Variants in UNC13C observed in about 807,000 individuals in gnomAD.
The protein encoded by UNC13C is protein unc-13 homolog C.
A neutral mutation model predicts 245.4 loss-of-function variants in UNC13C; 174 were observed. The ratio of observed to expected loss-of-function variants is 0.71; its 90% confidence interval spans 0.63 to 0.80. The LOEUF (loss-of-function observed/expected upper bound fraction) is 0.80, where lower values mean the gene tolerates loss of function less well. Ranked by LOEUF, UNC13C falls within the 30% of genes least tolerant of loss-of-function variation. The pLI is 0.00. For synonymous variants in UNC13C, 992 were observed against 895.1 expected (o/e 1.11, Z -1.93); for missense variants, 2,829 against 2,602.9 (o/e 1.09, Z -1.89).
intron 1 of UNC13C, among the ~76,000 whole-genome samples, chr15:53,995,387 A>G (rs1418339828): frequency 6.6e-6 from 1 of 152,046 alleles, no homozygotes; most frequent in Non-Finnish European, 1.5e-5. Flanking sequence ...ATCAATCAGA[A>G]AAAAAGGCAG....
intron 30 of UNC13C, among the ~76,000 whole-genome samples, chr15:54,588,779 C>T (rs751555331): frequency 6.6e-6 from 1 of 152,156 alleles, no homozygotes; most frequent in Non-Finnish European, 1.5e-5. Flanking sequence ...GAATAATAGT[C>T]ACCAATCTCA....
intron 19 of UNC13C, among the ~76,000 whole-genome samples, chr15:54,415,609 A>G (rs2040502396): frequency 1.3e-5 from 2 of 152,198 alleles, no homozygotes; most frequent in African/African-American, 4.8e-5. Flanking sequence ...TTACAGTTAG[A>G]GATAGAACCA....
chr15:54,377,086 T>C (rs2039622692), intron 17 of UNC13C, among the ~76,000 whole-genome samples: 1 of 152,148 alleles, frequency 6.6e-6, no homozygotes, highest in Non-Finnish European at 1.5e-5. Context: ...CTAGCAGCCG[T>C]CAGGTGCTAG....
chr15:54,184,967 G>C (rs1190934754), intron 4 of UNC13C, among the ~76,000 whole-genome samples: 3 of 152,064 alleles, frequency 2.0e-5, no homozygotes, highest in Admixed American at 2.0e-4. Flanking sequence ...ATTCTAACTG[G>C]TGTGAGATGG....
At chr15:53,963,342 A>G in the UNC13C span, among the ~76,000 whole-genome samples, 1 of 152,214 alleles carries the variant, frequency 6.6e-6, no homozygotes, top group African/African-American at 2.4e-5. Flanking sequence ...TAGGGAAGAC[A>G]GACTGTCACA....
At chr15:54,369,929 C>T (rs1465997673) in intron 17 of UNC13C, among the ~76,000 whole-genome samples, 1 of 151,942 alleles carries the variant, frequency 6.6e-6, no homozygotes, top group African/African-American at 2.4e-5. Flanking sequence ...TAGGGATCCT[C>T]GGTTTCCTCT....
intron 16 of UNC13C, among the ~76,000 whole-genome samples, chr15:54,336,741 C>G (rs1043073669): frequency 2.0e-5 from 3 of 151,956 alleles, no homozygotes; most frequent in Non-Finnish European, 4.4e-5. Context: ...TTCCTTTCTC[C>G]ATTGAATTGC....
intron 8 of UNC13C, among the ~76,000 whole-genome samples, chr15:54,256,292 A>G (rs933610945): frequency 6.6e-6 from 1 of 152,170 alleles, no homozygotes; most frequent in Non-Finnish European, 1.5e-5. Flanking sequence ...CGTGCTAGAA[A>G]ACAGAGGTGT....
intron 2 of UNC13C, among the ~76,000 whole-genome samples, chr15:54,032,191 T>C (rs187523164): frequency 6.6e-6 from 1 of 152,290 alleles, no homozygotes; most frequent in African/African-American, 2.4e-5. Context: ...TTACAGTAAT[T>C]TGATTCAATT....
intron 19 of UNC13C, among the ~76,000 whole-genome samples, chr15:54,482,804 T>C (rs145818955): frequency 3.8e-4 from 58 of 152,344 alleles, no homozygotes; most frequent in African/African-American, 1.3e-3. Context: ...TATTTTACTT[T>C]TTGTCAGTCT....
chr15:54,284,209 A>G (rs566967880), intron 10 of UNC13C, among the ~76,000 whole-genome samples: 1 of 152,362 alleles, frequency 6.6e-6, no homozygotes, highest in South Asian at 2.1e-4. Flanking sequence ...AATATCAAAT[A>G]AATATCAAAC....
intron 2 of UNC13C, among the ~76,000 whole-genome samples, chr15:54,056,773 T>C (rs1243609264): frequency 6.6e-6 from 1 of 152,134 alleles, no homozygotes; most frequent in Non-Finnish European, 1.5e-5. Context: ...CGGCAGAAAC[T>C]CTACAAGCCA....
the UNC13C span, among the ~76,000 whole-genome samples, chr15:53,857,459 A>G: frequency 8.5e-5 from 13 of 152,304 alleles, no homozygotes; most frequent in African/African-American, 2.9e-4. Context: ...AACTAAGATA[A>G]TATTGGGACC....
chr15:53,843,976 TCAGAA>T, the UNC13C span, among the ~76,000 whole-genome samples: 1 of 152,164 alleles, frequency 6.6e-6, no homozygotes, highest in African/African-American at 2.4e-5. Context: ...TAAAATCTTT[TCAGAA>T]CAGAAGAGCC....
Position 54,626,976 on chromosome 15 carries a change from C to A in UNC13C, c.6508C>A (p.Pro2170Thr). The change falls in exon 33 of 33, where the codon CCT becomes ACT. Residue 2170 changes from proline (P) to threonine (T), a missense_variant. Coordinates refer to ENST00000260323, the MANE Select transcript of UNC13C (RefSeq NM_001080534.3). ...AAAGGGAAGCTATGGGGCATGGTAT[C>A]CTCTTCTGAAAAATATCTCTATGGA... ...AEKGSYGAWYPLLKNISMDET... is the reference protein window; with the variant it reads ...AEKGSYGAWYTLLKNISMDET... The A allele has an allele frequency of 6.2e-7, 1 of 1,613,390 alleles. No homozygotes were observed. The highest frequency in any genetic ancestry group is 8.5e-7 in the Non-Finnish European group (1 of 1,179,568).
intron 2 of UNC13C, among the ~76,000 whole-genome samples, chr15:54,124,233 A>T (rs1276601265): frequency 6.6e-6 from 1 of 152,170 alleles, no homozygotes; most frequent in Non-Finnish European, 1.5e-5. Flanking sequence ...GGCTTGTTGA[A>T]TTATGAGTGT....
intron 30 of UNC13C, among the ~76,000 whole-genome samples, chr15:54,613,229 C>T (rs894210072): frequency 1.3e-5 from 2 of 151,672 alleles, no homozygotes; most frequent in African/African-American, 4.8e-5. Flanking sequence ...AGTATACATA[C>T]AAATGTAGCA....
chr15:54,368,502 A>G (rs1276382467), intron 17 of UNC13C, among the ~76,000 whole-genome samples: 1 of 151,994 alleles, frequency 6.6e-6, no homozygotes, highest in East Asian at 1.9e-4. Context: ...GAGTTATGGC[A>G]AAGAAAAATT....
chr15:54,446,780 A>C (rs1890839719), intron 19 of UNC13C, among the ~76,000 whole-genome samples: 1 of 152,066 alleles, frequency 6.6e-6, no homozygotes, highest in African/African-American at 2.4e-5. Flanking sequence ...AACGCCCTTT[A>C]TTTCTTTCTC....
Sources: gnomAD v4.1 joint callset for allele counts (sites outside exome capture counted in the v4.1 genomes callset) on GRCh38, gnomAD v4.1.1 for gene constraint, MANE v1.5 for transcripts, NCBI Gene and HGNC (gene_info 2026-07-23, HGNC 2026-07-21) for gene names.